CSMD1: variants seen among roughly 807,000 people sequenced by gnomAD.
CSMD1 encodes the protein CUB and sushi domain-containing protein 1.
A neutral mutation model predicts 417.5 loss-of-function variants in CSMD1; 213 were observed. That is an observed-to-expected ratio of 0.51 (90% CI 0.46 to 0.57). The LOEUF (loss-of-function observed/expected upper bound fraction) is 0.57. Ranked by LOEUF, CSMD1 falls within the 20% of genes least tolerant of loss-of-function variation. CSMD1 has a pLI of 0.00. For synonymous variants in CSMD1, 2,862 were observed against 1,736.8 expected, an observed-to-expected ratio of 1.65 and a Z score of -16.11; for missense variants, 6,923 against 4,529.7, an observed-to-expected ratio of 1.53 and a Z score of -15.17.
At chr8:3,511,407 A>T (rs1192265522) in intron 10 of CSMD1, among the ~76,000 whole-genome samples, 1 of 151,692 alleles carries the variant, frequency 6.6e-6, no homozygotes, top group African/African-American at 2.4e-5. Flanking sequence ...CTGGCATGTT[A>T]TAGATTTGGA....
intron 23 of CSMD1, among the ~76,000 whole-genome samples, chr8:3,331,298 C>A (rs1296099773): frequency 5.9e-5 from 9 of 151,648 alleles, no homozygotes; most frequent in Non-Finnish European, 1.0e-4. Context: ...ACTGAGGGAG[C>A]AACTAACGTT....
At chr8:4,744,098 G>A (rs1045500635) in intron 1 of CSMD1, among the ~76,000 whole-genome samples, 5 of 152,208 alleles carry the variant, frequency 3.3e-5, no homozygotes, top group African/African-American at 7.2e-5. Context: ...ATGAGCAGGA[G>A]CTAATACAAA....
At chr8:2,940,869 G>C (rs1456055222) in intron 69 of CSMD1, among the ~76,000 whole-genome samples, 1 of 152,096 alleles carries the variant, frequency 6.6e-6, no homozygotes, top group East Asian at 1.9e-4. Flanking sequence ...AAATAAATTT[G>C]TAGGAATTGT....
intron 1 of CSMD1, among the ~76,000 whole-genome samples, chr8:4,778,215 G>A (rs1331782524): frequency 6.6e-6 from 1 of 152,094 alleles, no homozygotes; most frequent in South Asian, 2.1e-4. Flanking sequence ...AAAATATTCA[G>A]ATTTGCAATT....
At chr8:4,187,839 G>C (rs6990610) in intron 3 of CSMD1, among the ~76,000 whole-genome samples, 131,518 of 152,040 alleles carry the variant, frequency 0.87, 56,995 homozygotes, top group South Asian at 0.94. Flanking sequence ...GACTTGCTGA[G>C]ACTATTTCAT....
At chr8:4,809,374 C>T (rs1798772157) in intron 1 of CSMD1, among the ~76,000 whole-genome samples, 1 of 152,180 alleles carries the variant, frequency 6.6e-6, no homozygotes, top group East Asian at 1.9e-4. Context: ...CTAAAATCTC[C>T]CATCTGATAC....
In CSMD1 at chr8:2,973,218, A is replaced by T. The variant is rs368187175; in HGVS notation, c.8822T>A (p.Leu2941His). ...CCCCATTTCACAGGAGAAGCGGAGA[A>T]GACTCTTTGTCTTAAAGTCATCACC... ...RLGDDFKTKSLLRFSCEMGHQ... is the reference protein window; with the variant it reads ...RLGDDFKTKSHLRFSCEMGHQ... Residue 2941 changes from leucine to histidine, a missense_variant, in exon 57 of 70, where the codon CTT becomes CAT. Physicochemically the swap from Leu to His is moderately conservative, Grantham distance 99. Coordinates refer to ENST00000635120, the MANE Select transcript of CSMD1 (RefSeq NM_033225.6). The T allele has an allele frequency of 1.5e-5, 24 of 1,613,956 alleles. No homozygotes were observed. In the African/African-American group the frequency reaches 2.8e-4, roughly 19 times the overall value.
intron 3 of CSMD1, among the ~76,000 whole-genome samples, chr8:4,312,278 G>T (rs1798656074): frequency 6.6e-6 from 1 of 151,184 alleles, no homozygotes; most frequent in South Asian, 2.1e-4. Context: ...CTTTAGCATT[G>T]ATGTATACTC....
At chr8:3,065,448 C>T (rs538538072) in intron 49 of CSMD1, among the ~76,000 whole-genome samples, 1 of 151,474 alleles carries the variant, frequency 6.6e-6, no homozygotes, top group South Asian at 2.1e-4. Context: ...TAGATACATA[C>T]AGAGAGATAT....
intron 2 of CSMD1, among the ~76,000 whole-genome samples, chr8:4,563,951 C>G (rs550909783): frequency 1.3e-5 from 2 of 152,124 alleles, no homozygotes; most frequent in African/African-American, 4.8e-5. Context: ...CAGCAGAAGA[C>G]TAAATATATT....
chr8:3,516,012 A>G (rs1281404131), intron 10 of CSMD1, among the ~76,000 whole-genome samples: 1 of 152,208 alleles, frequency 6.6e-6, no homozygotes, highest in Admixed American at 6.5e-5. Context: ...AGTCTACTCA[A>G]TTAACTCAAC....
At chr8:4,607,807 T>G (rs1489532239) in intron 2 of CSMD1, among the ~76,000 whole-genome samples, 2 of 152,194 alleles carry the variant, frequency 1.3e-5, no homozygotes, top group African/African-American at 2.4e-5. Context: ...GAGTGTGTAC[T>G]TTTCCCTTTG....
At chr8:4,780,551 T>C (rs1213339677) in intron 1 of CSMD1, among the ~76,000 whole-genome samples, 1 of 151,912 alleles carries the variant, frequency 6.6e-6, no homozygotes. Flanking sequence ...CAAGGTCCTA[T>C]TGTAATTATT....
chr8:4,791,487 C>A (rs112057499), intron 1 of CSMD1, among the ~76,000 whole-genome samples: 2 of 152,128 alleles, frequency 1.3e-5, no homozygotes, highest in South Asian at 4.1e-4. Flanking sequence ...CTCACCACAG[C>A]GCTCAAGGAG....
At position 4,534,178 on chromosome 8, in the gene CSMD1, G is replaced by C. The variant is rs73661508; in HGVS notation, c.302+103164C>G. 2.2e-3 allele frequency among the ~76,000 whole-genome samples: 342 copies of C among 152,224 alleles called. 6 individuals are homozygous for C. The highest frequency in any genetic ancestry group is 7.7e-3 in the African/African-American group (321 of 41,534). ...TATCATCAGAAAAGAGAAAGCATTC[G>C]CTAGGGAGCACAATTTAATAGAGCA... On this transcript the variant is annotated intron_variant, in intron 2 of 69. Transcript: ENST00000635120.
chr8:3,726,795 A>G (rs1035581082), intron 6 of CSMD1, among the ~76,000 whole-genome samples: 1 of 152,184 alleles, frequency 6.6e-6, no homozygotes, highest in Admixed American at 6.5e-5. Context: ...GATGGAAATG[A>G]GTTGTGCAAA....
intron 5 of CSMD1, among the ~76,000 whole-genome samples, chr8:3,807,392 T>G (rs1371965732): frequency 6.6e-6 from 1 of 151,832 alleles, no homozygotes; most frequent in African/African-American, 2.4e-5. Context: ...TTATAGAAAT[T>G]CAATACTGTA....
chr8:3,095,587 C>T (rs951117394), intron 47 of CSMD1, among the ~76,000 whole-genome samples: 1 of 152,052 alleles, frequency 6.6e-6, no homozygotes, highest in Non-Finnish European at 1.5e-5. Flanking sequence ...TCTATCCATA[C>T]AAGCAATTTG....
intron 5 of CSMD1, among the ~76,000 whole-genome samples, chr8:3,954,718 G>A (rs1381917211): frequency 2.6e-5 from 4 of 152,228 alleles, no homozygotes; most frequent in African/African-American, 7.2e-5. Flanking sequence ...CTTAGGGCAG[G>A]CTGCCCGCAT....
Sources: allele counts gnomAD v4.1 joint callset (sites outside exome capture counted in the v4.1 genomes callset), GRCh38; gene constraint gnomAD v4.1.1; transcripts MANE v1.5; gene names NCBI Gene and HGNC (gene_info 2026-07-23, HGNC 2026-07-21).